PRELID2: variants seen among roughly 807,000 people sequenced by gnomAD.
PRELID2 encodes the protein PRELI domain-containing protein 2.
Under a neutral mutation model 28.4 loss-of-function variants are expected in PRELID2, and 25 were observed. The ratio of observed to expected loss-of-function variants is 0.88; its 90% CI spans 0.64 to 1.23. The LOEUF is 1.23. PRELID2 is among the 50% of genes most tolerant of loss of function. The pLI, the probability that PRELID2 is intolerant of heterozygous loss-of-function variation, is 0.00. For missense variants in PRELID2, 201 were observed against 214.4 expected, an observed-to-expected ratio of 0.94 and a Z score of 0.39; for synonymous variants, 76 against 71.6, an observed-to-expected ratio of 1.06 and a Z score of -0.31.
At chr5:145,241,786 C>T in the PRELID2 span, among the ~76,000 whole-genome samples, 4 of 151,966 alleles carry the variant, frequency 2.6e-5, no homozygotes, top group African/African-American at 9.7e-5. Flanking sequence ...AGCTTACAGA[C>T]ACAGATTCCT....
At chr5:145,825,917 T>G (rs340046) in intron 1 of PRELID2, 307,891 of 481,234 alleles carry the variant, frequency 0.64, 102,648 homozygotes, top group Non-Finnish European at 0.7. Flanking sequence ...ATGTTTTAAT[T>G]CATGAAAATT....
At position 145,791,775 on chromosome 5, in the gene PRELID2, T is replaced by C. The variant is rs548955725; in HGVS notation, c.474+4667A>G. ...CACAATAAAAAACAAACTTTTAATA[T>C]TATTTTTAATACAAAGGTATTTTCA... is the stretch of plus-strand genomic sequence containing the variant. On this transcript the variant is annotated intron_variant, in intron 5 of 6. Coordinates refer to ENST00000683046, the MANE Select transcript of PRELID2 (RefSeq NM_205846.3). Among the ~76,000 whole-genome samples, 8 of 152,318 alleles carry C rather than the reference T, an allele frequency of 5.3e-5. No homozygotes were observed. In the South Asian group the frequency reaches 1.7e-3, roughly 32 times the overall value.
the PRELID2 span, among the ~76,000 whole-genome samples, chr5:145,457,348 G>A: frequency 2.7e-4 from 41 of 152,216 alleles, no homozygotes; most frequent in South Asian, 8.3e-4. Flanking sequence ...CTTTGGCAAG[G>A]GAGTAGGTGC....
the PRELID2 span, among the ~76,000 whole-genome samples, chr5:145,241,936 G>C: frequency 6.6e-6 from 1 of 151,682 alleles, no homozygotes; most frequent in African/African-American, 2.4e-5. Context: ...CAAAAGAAAT[G>C]CTATTGCATA....
the PRELID2 span, among the ~76,000 whole-genome samples, chr5:145,339,124 A>G: frequency 2.0e-5 from 3 of 152,364 alleles, no homozygotes; most frequent in Admixed American, 1.3e-4. Context: ...AGAATTGACT[A>G]GCAGACTGGA....
the PRELID2 span, among the ~76,000 whole-genome samples, chr5:145,430,760 C>T: frequency 1.3e-5 from 2 of 152,142 alleles, no homozygotes; most frequent in African/African-American, 4.8e-5. Flanking sequence ...ACAGGGCCCC[C>T]ATGCTTAAAA....
At chr5:145,500,181 G>A (rs1016676774) in intron 1 of PRELID2, among the ~76,000 whole-genome samples, 2 of 152,156 alleles carry the variant, frequency 1.3e-5, no homozygotes, top group Non-Finnish European at 2.9e-5. Context: ...AGTGTTGGAG[G>A]AGGGGCCTGG....
At chr5:145,802,726 G>A (rs773237162) in intron 4 of PRELID2, among the ~76,000 whole-genome samples, 13 of 152,152 alleles carry the variant, frequency 8.5e-5, no homozygotes, top group Non-Finnish European at 1.5e-4. Context: ...CTTAGTGGGT[G>A]TGATTCAAAA....
At chr5:145,672,457 T>C (rs1376586504) in intron 1 of PRELID2, among the ~76,000 whole-genome samples, 2 of 147,002 alleles carry the variant, frequency 1.4e-5, no homozygotes, top group Non-Finnish European at 1.5e-5. Context: ...ACATAAGGAA[T>C]GGCTTTTTTG....
At chr5:145,259,404 C>A in the PRELID2 span, among the ~76,000 whole-genome samples, 7 of 152,152 alleles carry the variant, frequency 4.6e-5, no homozygotes, top group East Asian at 1.4e-3. Flanking sequence ...AAAATTAGCA[C>A]CAGGGGCTGA....
chr5:145,248,140 A>G, the PRELID2 span, among the ~76,000 whole-genome samples: 1 of 152,266 alleles, frequency 6.6e-6, no homozygotes, highest in Non-Finnish European at 1.5e-5. Context: ...ACAAAATCAT[A>G]AAGGTAGAAC....
At chr5:145,706,277 G>A (rs146594741) in intron 1 of PRELID2, among the ~76,000 whole-genome samples, 16 of 152,276 alleles carry the variant, frequency 1.1e-4, no homozygotes, top group Non-Finnish European at 1.5e-4. Context: ...CTGGCACAAA[G>A]CAGGAATACT....
the PRELID2 span, among the ~76,000 whole-genome samples, chr5:145,284,191 T>C: frequency 0.28 from 42,028 of 152,142 alleles, 6,196 homozygotes; most frequent in Non-Finnish European, 0.31. Flanking sequence ...TGACACATAG[T>C]ATGTATTCAA....
At chr5:145,831,188 G>C (rs989305610) in intron 1 of PRELID2, among the ~76,000 whole-genome samples, 1 of 152,204 alleles carries the variant, frequency 6.6e-6, no homozygotes, top group East Asian at 1.9e-4. Context: ...AACAACCCTG[G>C]AAGGTAGGTG....
intron 1 of PRELID2, among the ~76,000 whole-genome samples, chr5:145,606,352 C>G (rs1753504652): frequency 1.3e-5 from 2 of 152,080 alleles, no homozygotes; most frequent in South Asian, 4.2e-4. Flanking sequence ...TTCCAGTTTT[C>G]AGGAGTAATG....
chr5:145,334,121 C>T, the PRELID2 span, among the ~76,000 whole-genome samples: 3 of 152,136 alleles, frequency 2.0e-5, no homozygotes, highest in African/African-American at 7.2e-5. Flanking sequence ...TAACCAGTCC[C>T]AATGAGAAGA....
intron 1 of PRELID2, among the ~76,000 whole-genome samples, chr5:145,531,150 G>T (rs1044872393): frequency 1.3e-5 from 2 of 152,098 alleles, no homozygotes; most frequent in Non-Finnish European, 2.9e-5. Flanking sequence ...GTCATTTGTT[G>T]CATGCCTCCA....
At chr5:145,572,920 A>C (rs532809630) in intron 1 of PRELID2, among the ~76,000 whole-genome samples, 1 of 152,168 alleles carries the variant, frequency 6.6e-6, no homozygotes, top group South Asian at 2.1e-4. Context: ...CTCTTCTGGC[A>C]TGAGAGACCC....
At chr5:145,451,418 C>T in the PRELID2 span, among the ~76,000 whole-genome samples, 33 of 152,286 alleles carry the variant, frequency 2.2e-4, no homozygotes, top group Admixed American at 1.9e-3. Context: ...AGAACACTAG[C>T]GTTTTAAGCA....
Sources: allele counts gnomAD v4.1 joint callset (sites outside exome capture counted in the v4.1 genomes callset), GRCh38; gene constraint gnomAD v4.1.1; transcripts MANE v1.5; gene names NCBI Gene and HGNC (gene_info 2026-07-23, HGNC 2026-07-21).